Variants in SYT15 observed in about 807,000 individuals in gnomAD.
SYT15 encodes the protein synaptotagmin 15.
A neutral mutation model predicts 30.1 loss-of-function variants in SYT15; 4 were observed. That is an observed-to-expected ratio of 0.13 (90% CI 0.07 to 0.30). SYT15 has a LOEUF of 0.30. Ranked by LOEUF, SYT15 falls within the 10% of genes least tolerant of loss-of-function variation. SYT15 has a pLI of 1.00. For missense variants in SYT15, 49 were observed against 371.7 expected (o/e 0.13, Z 7.14); for synonymous variants, 19 against 166.3 (o/e 0.11, Z 6.82).
At chr10:46,592,507 C>G (rs1283752968), downstream of SYT15, among the ~76,000 whole-genome samples, 2 of 129,676 alleles carry the variant, frequency 1.5e-5, no homozygotes, top group African/African-American at 3.0e-5. Flanking sequence ...GAAGAATTCC[C>G]TTTAGTATTT....
intron 6 of SYT15, among the ~76,000 whole-genome samples, chr10:46,584,962 T>TCA (rs1844724589): frequency 9.8e-6 from 1 of 101,530 alleles, no homozygotes; most frequent in African/African-American, 4.3e-5. Flanking sequence ...TGGGTCCAGT[T>TCA]CCTCCAGGGT....
chr10:46,586,266 G>A (rs1397988852), intron 7 of SYT15, among the ~76,000 whole-genome samples: 1 of 121,114 alleles, frequency 8.3e-6, no homozygotes, highest in Non-Finnish European at 1.7e-5. Context: ...AAAAAAAAGG[G>A]CCGGGCACGG....
At chr10:46,586,646 A>G (rs1425987228) in intron 7 of SYT15, among the ~76,000 whole-genome samples, 1 of 141,638 alleles carries the variant, frequency 7.1e-6, no homozygotes, top group Non-Finnish European at 1.5e-5. Context: ...AGAGATCAAG[A>G]CCATCCTGGC....
chr10:46,593,607 TAAAA>T (rs1233470694), downstream of SYT15: 6 of 143,736 alleles, frequency 4.2e-5, no homozygotes, highest in African/African-American at 1.6e-4. Flanking sequence ...AAAATAATAA[TAAAA>T]AAAAAGTATA....
downstream of SYT15, among the ~76,000 whole-genome samples, chr10:46,594,917 A>G (rs1476236160): frequency 9.9e-6 from 1 of 100,640 alleles, no homozygotes; most frequent in East Asian, 2.6e-4. Context: ...GATTCTCAGC[A>G]GAGAGTGATT....
At position 46,584,259 on chromosome 10, in the gene SYT15, G is replaced by GCT. The variant is rs1844586990; in HGVS notation, c.823-235_823-234dup. Among the ~76,000 whole-genome samples the GCT allele has an allele frequency of 2.0e-5, 3 of 151,922 alleles. No homozygotes were observed. In the South Asian group the frequency reaches 6.2e-4, roughly 31 times the overall value. On this transcript the variant is annotated intron_variant, in intron 5 of 7. Coordinates refer to ENST00000374321, the MANE Select transcript of SYT15 (RefSeq NM_031912.5). Reference sequence around the variant, plus strand: ...GCCCACCACCCCCAGGAAGGCCCCAGCTGGCTCAGACCTGGGTGTGACTCC... The same window carrying GCT: ...GCCCACCACCCCCAGGAAGGCCCCAGCTCTGGCTCAGACCTGGGTGTGACTCC...
At chr10:46,580,545 C>T (rs1302678749) in intron 2 of SYT15, among the ~76,000 whole-genome samples, 177 bp downstream of exon 2, 1 of 126,518 alleles carries the variant, frequency 7.9e-6, no homozygotes, top group Non-Finnish European at 1.7e-5. Flanking sequence ...AACCCATGTT[C>T]CAGGTGAGGA....
At position 46,591,702 on chromosome 10, in the gene SYT15, TGA is replaced by T. The variant is rs1845444285; in HGVS notation, c.*4061_*4062del. On this transcript the variant is annotated 3_prime_UTR_variant, in exon 8 of 8. Coordinates refer to ENST00000374321, the MANE Select transcript of SYT15 (RefSeq NM_031912.5). Reference sequence around the variant, plus strand: ...TTTTGTCTGTTTTTCTATAAATTACTGAGAGAGGATAAAGCCTGCCACTGTTA... The same window carrying T: ...TTTTGTCTGTTTTTCTATAAATTACTGAGAGGATAAAGCCTGCCACTGTTA... The T allele has an allele frequency of 7.0e-6, 1 of 142,338 alleles. No homozygotes were observed. The highest frequency in any genetic ancestry group is 1.5e-5 in the Non-Finnish European group (1 of 65,956). 8.8% of individuals were successfully genotyped at this position (142,338 alleles called of 1,614,324 possible).
rs1555036407 is a variant in SYT15, at chr10:46,580,721, T to TGTGC, written c.213-170_213-169insCGTG. 7.6e-5 allele frequency among the ~76,000 whole-genome samples: 10 copies of TGTGC among 132,332 alleles called. No individual in the cohort carries two copies. The East Asian group carries it at 1.6e-3, about 21-fold the overall frequency. 86.8% of individuals were successfully genotyped at this position (132,332 alleles called of 152,430 possible). On this transcript the variant is annotated intron_variant, in intron 2 of 7. Transcript: ENST00000374321. ...GTGTGTGTGTGTGTGTGTGTGTGCG[T>TGTGC]GTGTGTGTGTGTGTGTTGCCTGGTA...
downstream of SYT15, chr10:46,596,883 A>T (rs1316503172): frequency 2.1e-5 from 8 of 380,992 alleles, 1 homozygote; most frequent in Non-Finnish European, 3.0e-5. Context: ...CCTACATGGG[A>T]TTGGACATTT....
chr10:46,596,925 A>G (rs1402956585), downstream of SYT15: 1 of 330,420 alleles, frequency 3.0e-6, no homozygotes, highest in African/African-American at 2.5e-5. Context: ...TTTTATAGCT[A>G]GAAGTTACAG....
At position 46,580,721 on chromosome 10, in the gene SYT15, T is replaced by TGTGTGC. The variant is rs1555036408; in HGVS notation, c.213-168_213-167insCGTGTG. Among the ~76,000 whole-genome samples the TGTGTGC allele has an allele frequency of 9.1e-5, 12 of 132,398 alleles. 1 individual carries two copies. In the East Asian group the frequency reaches 2.4e-3, roughly 27 times the overall value. The allele number at this position is 132,398 out of a possible 152,430, so 86.9% of individuals were successfully genotyped here. The stretch of plus-strand genomic sequence containing the variant: ...GTGTGTGTGTGTGTGTGTGTGTGCG[T>TGTGTGC]GTGTGTGTGTGTGTGTTGCCTGGTA... On this transcript the variant is annotated intron_variant, in intron 2 of 7. Coordinates refer to ENST00000374321, the MANE Select transcript of SYT15 (RefSeq NM_031912.5).
chr10:46,595,180 T>C (rs1218667448), downstream of SYT15, among the ~76,000 whole-genome samples: 3 of 133,952 alleles, frequency 2.2e-5, no homozygotes, highest in African/African-American at 6.1e-5. Context: ...CAGGCTGGAG[T>C]GCAGTGGCGC....
intron 7 of SYT15, among the ~76,000 whole-genome samples, chr10:46,586,241 C>CAAAAAAAA (rs375456623): frequency 4.6e-5 from 1 of 21,644 alleles, no homozygotes; most frequent in Non-Finnish European, 9.2e-5. Flanking sequence ...CTGAATCTGT[C>CAAAAAAAA]AAAAAAAAAA....
downstream of SYT15, among the ~76,000 whole-genome samples, chr10:46,594,600 A>G (rs1555045033): frequency 7.0e-6 from 1 of 143,028 alleles, no homozygotes. Flanking sequence ...TTGTCTCTCC[A>G]GCTGAAGACG....
downstream of SYT15, chr10:46,596,838 A>G: frequency 2.3e-6 from 1 of 432,902 alleles, no homozygotes; most frequent in Non-Finnish European, 4.6e-6. Flanking sequence ...ATCAAGAGGA[A>G]GCTTAAACTT....
At chr10:46,586,983 C>G (rs1315226783) in intron 7 of SYT15, among the ~76,000 whole-genome samples, 1 of 12,846 alleles carries the variant, frequency 7.8e-5, no homozygotes, top group Non-Finnish European at 1.5e-4. Context: ...TGACCTTCCT[C>G]GTGCCCTCCA....
chr10:46,594,381 T>A (rs1316251409), downstream of SYT15, among the ~76,000 whole-genome samples: 1 of 99,144 alleles, frequency 1.0e-5, no homozygotes, highest in Non-Finnish European at 2.0e-5. Context: ...GATGTGATTA[T>A]TAGGCTTCTT....
chr10:46,595,990 G>A (rs1845668817), downstream of SYT15: 1 of 145,876 alleles, frequency 6.9e-6, no homozygotes, highest in Non-Finnish European at 1.5e-5. Flanking sequence ...GGTCAGAGAA[G>A]TAAATGATAT....
Sources: allele counts gnomAD v4.1 joint callset (sites outside exome capture counted in the v4.1 genomes callset), GRCh38; gene constraint gnomAD v4.1.1; transcripts MANE v1.5; gene names NCBI Gene and HGNC (gene_info 2026-07-23, HGNC 2026-07-21).